Variants in ECHDC2 observed in about 807,000 individuals in gnomAD.
The protein encoded by ECHDC2 is enoyl-CoA hydratase domain-containing protein 2, mitochondrial.
A neutral mutation model predicts 40.6 loss-of-function variants in ECHDC2; 34 were observed. The observed-to-expected ratio is 0.84, with a 90% confidence interval of 0.64 to 1.11. ECHDC2 has a LOEUF of 1.11. Among genes scored for constraint, ECHDC2 ranks in the 50% most tolerant of loss-of-function variants. The pLI, the probability that ECHDC2 is intolerant of heterozygous loss-of-function variation, is 0.00. For missense variants in ECHDC2, 392 were observed against 400.7 expected, an observed-to-expected ratio of 0.98 and a Z score of 0.19; for synonymous variants, 162 against 166.6, an observed-to-expected ratio of 0.97 and a Z score of 0.21.
intron 4 of ECHDC2, chr1:52,906,883 A>C: frequency 4.6e-6 from 1 of 218,422 alleles, no homozygotes; most frequent in Non-Finnish European, 9.0e-6. Flanking sequence ...TCTTGCCTCA[A>C]CCTCCTGAGT....
intron 7 of ECHDC2, among the ~76,000 whole-genome samples, chr1:52,903,302 G>C (rs1351566357): frequency 6.6e-6 from 1 of 151,970 alleles, no homozygotes; most frequent in Non-Finnish European, 1.5e-5. Context: ...GGTGGCTTTT[G>C]GTTACATGGA....
chr1:52,912,074 C>T, intron 1 of ECHDC2: 1 of 1,359,560 alleles, frequency 7.4e-7, no homozygotes. Context: ...GTAGCCCTTG[C>T]CTGCTTCTGC....
chr1:52,920,333 A>G, intron 1 of ECHDC2: 2 of 643,918 alleles, frequency 3.1e-6, no homozygotes, highest in South Asian at 3.4e-5. Flanking sequence ...TTTATGGCAA[A>G]GCCCCGCTTC....
chr1:52,897,527 A>G lies in ECHDC2; in HGVS notation c.754-43T>C, dbSNP rs769576804. 23 of 1,608,572 alleles carry G rather than the reference A, an allele frequency of 1.4e-5. No homozygotes were observed. In the African/African-American group the frequency reaches 2.3e-4, roughly 16 times the overall value. On this transcript the variant is annotated intron_variant, in intron 8 of 9. Transcript: ENST00000371522. ...TCCCTGGATTGGTCTGACCTTGTCC[A>G]TCTTCACCCACACTGGAAGCCAGCC...
Position 52,906,612 on chromosome 1 carries a change from C to T in ECHDC2, c.365-1G>A, listed in dbSNP as rs1210548791. 6.2e-7 allele frequency: 1 copy of T among 1,605,530 alleles called. No individual in the cohort carries two copies. On this transcript the variant is annotated splice_acceptor_variant, in intron 4 of 9. Coordinates refer to ENST00000371522, the MANE Select transcript of ECHDC2 (RefSeq NM_001198961.2). LOFTEE classifies it high-confidence loss of function. Reference sequence around the variant, plus strand: ...GCAATGGTGGGTGCAGGGAAGGCTGCTGTGGAGAGGAAGAAAGGCTCAGCC... The same window carrying T: ...GCAATGGTGGGTGCAGGGAAGGCTGTTGTGGAGAGGAAGAAAGGCTCAGCC...
At chr1:52,908,013 G>C in intron 3 of ECHDC2, 59 bp from the exon 4 acceptor site, 1 of 1,519,846 alleles carries the variant, frequency 6.6e-7, no homozygotes, top group South Asian at 1.1e-5. Context: ...CGGAATCCCA[G>C]GCGGTTAAAG....
chr1:52,910,352 G>A (rs1164760794), intron 3 of ECHDC2, among the ~76,000 whole-genome samples: 1 of 32,062 alleles, frequency 3.1e-5, no homozygotes, highest in African/African-American at 1.1e-4. Context: ...CCACAATTTC[G>A]TTTTTTTTTT....
intron 3 of ECHDC2, among the ~76,000 whole-genome samples, chr1:52,910,762 A>C (rs2150059456): frequency 6.6e-6 from 1 of 152,354 alleles, no homozygotes; most frequent in Middle Eastern, 3.4e-3. Context: ...TGAGAGGTCA[A>C]AGGTCAAGTA....
chr1:52,903,549 A>T (rs1647130404), intron 7 of ECHDC2, among the ~76,000 whole-genome samples: 1 of 151,842 alleles, frequency 6.6e-6, no homozygotes, highest in Non-Finnish European at 1.5e-5. Flanking sequence ...CATGGGTTCA[A>T]GCAATGCTTT....
intron 1 of ECHDC2, 194 bp downstream of exon 1, chr1:52,921,359 C>T (rs1651844504): frequency 3.0e-6 from 4 of 1,321,562 alleles, no homozygotes; most frequent in Non-Finnish European, 2.9e-6. Flanking sequence ...GGCCCCCCGC[C>T]CCCAGCTAGA....
chr1:52,913,481 A>G (rs1438166927), intron 1 of ECHDC2: 1 of 152,200 alleles, frequency 6.6e-6, no homozygotes, highest in African/African-American at 2.4e-5. Context: ...ACCAAGGGAC[A>G]CGTTTCTCTC....
At chr1:52,896,843 C>T (rs1646666729) in intron 9 of ECHDC2, 3 of 493,242 alleles carry the variant, frequency 6.1e-6, no homozygotes, top group Non-Finnish European at 1.1e-5. Context: ...TGCTTTCATG[C>T]CTCCTGAGAA....
Position 52,908,929 on chromosome 1 carries a change from C to CAAAA in ECHDC2, c.278-979_278-976dup, listed in dbSNP as rs34090739. Among the ~76,000 whole-genome samples the CAAAA allele has an allele frequency of 5.8e-3, 256 of 43,836 alleles. 4 individuals are homozygous for CAAAA. The highest frequency in any genetic ancestry group is 0.014 in the African/African-American group (237 of 16,360). The allele number at this position is 43,836 out of a possible 152,430, so 28.8% of individuals were successfully genotyped here. A position where few individuals can be genotyped will look rare whatever the true frequency, so the allele number is the denominator to read the frequency against. ...CGCTCCATCCTGGGTGACAGAGTCT[C>CAAAA]AAAAAAAAAAAAAAAAAAAAAAAAA... is the stretch of plus-strand genomic sequence containing the variant. On this transcript the variant is annotated intron_variant, in intron 3 of 9. Coordinates refer to ENST00000371522, the MANE Select transcript of ECHDC2 (RefSeq NM_001198961.2).
chr1:52,918,440 TATC>T (rs373361331), intron 1 of ECHDC2, among the ~76,000 whole-genome samples: 30 of 152,034 alleles, frequency 2.0e-4, no homozygotes, highest in African/African-American at 7.2e-4. Context: ...TCCCGATTGT[TATC>T]ATAGGAGATG....
At chr1:52,903,097 C>A (rs1461965246) in intron 7 of ECHDC2, among the ~76,000 whole-genome samples, 1 of 152,170 alleles carries the variant, frequency 6.6e-6, no homozygotes, top group Non-Finnish European at 1.5e-5. Flanking sequence ...CAGACCCTCG[C>A]AGGGCCTTGG....
intron 7 of ECHDC2, chr1:52,899,509 C>T (rs1194081038): frequency 2.2e-6 from 1 of 454,822 alleles, no homozygotes; most frequent in Admixed American, 3.9e-5. Flanking sequence ...TTTCCTCCCC[C>T]ACAGACTCAT....
At chr1:52,907,792 T>G in intron 4 of ECHDC2, 76 bp downstream of exon 4, 2 of 1,259,232 alleles carry the variant, frequency 1.6e-6, no homozygotes, top group Non-Finnish European at 2.3e-6. Flanking sequence ...TCTCCTTAGA[T>G]GCTGGTGGGG....
intron 7 of ECHDC2, 105 bp from the exon 8 acceptor site, chr1:52,899,329 C>A: frequency 1.9e-6 from 2 of 1,044,872 alleles, no homozygotes; most frequent in South Asian, 3.0e-5. Flanking sequence ...ATGTCTGGGT[C>A]TGGTTCCAGC....
chr1:52,919,023 C>T (rs1215606400), intron 1 of ECHDC2, among the ~76,000 whole-genome samples: 3 of 152,150 alleles, frequency 2.0e-5, no homozygotes, highest in African/African-American at 2.4e-5. Context: ...CATAGGAGTG[C>T]GAACCCTATT....
Sources: gnomAD v4.1 joint callset for allele counts (sites outside exome capture counted in the v4.1 genomes callset) on GRCh38, gnomAD v4.1.1 for gene constraint, MANE v1.5 for transcripts, NCBI Gene and HGNC (gene_info 2026-07-23, HGNC 2026-07-21) for gene names.